SLC37A3: variants seen among roughly 807,000 people sequenced by gnomAD.
SLC37A3 encodes sugar phosphate exchanger 3.
In SLC37A3, 51 loss-of-function variants were observed where a neutral mutation model predicts 67.1. The observed-to-expected ratio is 0.76, with a 90% CI of 0.61 to 0.96. SLC37A3 has a LOEUF of 0.96. Among genes scored for constraint, SLC37A3 ranks in the 40% least tolerant of loss-of-function variants. SLC37A3 has a pLI of 0.00. For synonymous variants in SLC37A3, 214 were observed against 231.4 expected, an observed-to-expected ratio of 0.92 and a Z score of 0.68; for missense variants, 508 against 603.0, an observed-to-expected ratio of 0.84 and a Z score of 1.65.
chr7:140,342,083 G>T (rs914958551), intron 13 of SLC37A3, among the ~76,000 whole-genome samples: 1 of 152,144 alleles, frequency 6.6e-6, no homozygotes, highest in African/African-American at 2.4e-5. Flanking sequence ...AGGTACTAAG[G>T]TGACAGAAGA....
chr7:140,363,373 C>G (rs1048471556), intron 5 of SLC37A3, among the ~76,000 whole-genome samples: 9 of 82,666 alleles, frequency 1.1e-4, no homozygotes, highest in Non-Finnish European at 2.3e-4. Flanking sequence ...GCCTTGGGAT[C>G]CTGTTGATCT....
At chr7:140,343,833 A>C in intron 12 of SLC37A3, 1 of 376,280 alleles carries the variant, frequency 2.7e-6, no homozygotes, top group South Asian at 2.7e-5. Flanking sequence ...AATCCTGTGA[A>C]GTTTACATTC....
At chr7:140,335,590 C>A in intron 14 of SLC37A3, 86 bp from the exon 15 acceptor site, 1 of 1,447,438 alleles carries the variant, frequency 6.9e-7, no homozygotes, top group Non-Finnish European at 9.4e-7. Flanking sequence ...TGGATTTGGA[C>A]AATTACATTC....
rs377761607 is a variant in SLC37A3 at position 140,380,270 on chromosome 7, T to G, written c.198+12A>C. On this transcript the variant is annotated intron_variant, in intron 3 of 14. Transcript: ENST00000326232. ...CCTACTTCGATCCATCCCAGCACTC[T>G]GTTCTGCTTACCTCCACAGGCAGCT... 14 of 1,568,596 alleles carry G rather than the reference T, an allele frequency of 8.9e-6. No individual in the cohort carries two copies. The South Asian group carries it at 1.6e-4, about 17-fold the overall frequency.
chr7:140,360,775 T>A (rs1797235524), intron 5 of SLC37A3, among the ~76,000 whole-genome samples: 1 of 146,556 alleles, frequency 6.8e-6, no homozygotes, highest in Non-Finnish European at 1.5e-5. Context: ...GATCCTCCCC[T>A]ACACAGCACT....
chr7:140,353,584 T>G (rs915673277), intron 7 of SLC37A3, among the ~76,000 whole-genome samples: 1 of 152,202 alleles, frequency 6.6e-6, no homozygotes, highest in African/African-American at 2.4e-5. Context: ...TGTTCATTTT[T>G]ACTGCCCAGA....
chr7:140,351,248 G>A (rs750570040), intron 9 of SLC37A3, 25 bp downstream of exon 9: 16 of 1,600,122 alleles, frequency 1.0e-5, no homozygotes, highest in Non-Finnish European at 1.4e-5. Flanking sequence ...CTCCCTGGCT[G>A]TGGTAAGATG....
chr7:140,361,520 TC>T (rs1797283637), intron 5 of SLC37A3, among the ~76,000 whole-genome samples: 1 of 38,750 alleles, frequency 2.6e-5, no homozygotes, highest in Admixed American at 3.1e-4. Flanking sequence ...CCCCTCCCCC[TC>T]CCCCTCCCCC....
intron 6 of SLC37A3, among the ~76,000 whole-genome samples, chr7:140,358,423 T>A (rs1461080923): frequency 1.3e-5 from 2 of 151,558 alleles, no homozygotes; most frequent in African/African-American, 4.9e-5. Context: ...GCCCAAAGAG[T>A]GGTAGGAGTG....
chr7:140,360,105 C>T (rs1339633767), intron 5 of SLC37A3, among the ~76,000 whole-genome samples: 2 of 152,088 alleles, frequency 1.3e-5, no homozygotes, highest in African/African-American at 4.8e-5. Context: ...CCAGTGTTTG[C>T]GGAGGCAAAG....
chr7:140,393,151 A>C (rs1798787476), intron 1 of SLC37A3, among the ~76,000 whole-genome samples: 1 of 151,852 alleles, frequency 6.6e-6, no homozygotes, highest in African/African-American at 2.4e-5. Flanking sequence ...CTGATCTCCT[A>C]ACCAGTTTCT....
intron 1 of SLC37A3, among the ~76,000 whole-genome samples, chr7:140,396,031 T>C (rs911286255): frequency 6.6e-6 from 1 of 152,076 alleles, no homozygotes. Flanking sequence ...TTTTTTTTTT[T>C]CAGAGACAGG....
At chr7:140,374,673 C>T (rs998848491) in intron 3 of SLC37A3, among the ~76,000 whole-genome samples, 3 of 151,906 alleles carry the variant, frequency 2.0e-5, no homozygotes, top group Non-Finnish European at 2.9e-5. Flanking sequence ...AGACCCCCAC[C>T]ATCTCTACAA....
At chr7:140,361,664 T>A (rs1797301731) in intron 5 of SLC37A3, among the ~76,000 whole-genome samples, 16 of 148,032 alleles carry the variant, frequency 1.1e-4, no homozygotes, top group South Asian at 2.2e-4. Flanking sequence ...TTCTCCTGCC[T>A]CAGCCTGCCG....
At chr7:140,357,088 C>A (rs1311532383) in intron 6 of SLC37A3, among the ~76,000 whole-genome samples, 1 of 151,940 alleles carries the variant, frequency 6.6e-6, no homozygotes, top group African/African-American at 2.4e-5. Context: ...GTGGCGGGCC[C>A]CTGTAATCCC....
chr7:140,346,409 G>T (rs929880935), intron 10 of SLC37A3, among the ~76,000 whole-genome samples: 1 of 151,944 alleles, frequency 6.6e-6, no homozygotes, highest in Non-Finnish European at 1.5e-5. Context: ...TCCCTGAAAA[G>T]GGGTCCTCCA....
chr7:140,344,756 A>C (rs949477659), intron 12 of SLC37A3, among the ~76,000 whole-genome samples: 1 of 152,238 alleles, frequency 6.6e-6, no homozygotes, highest in Non-Finnish European at 1.5e-5. Flanking sequence ...ATTCTGTCTC[A>C]ATAAATAAAT....
At chr7:140,378,859 C>T (rs1433720470) in intron 3 of SLC37A3, among the ~76,000 whole-genome samples, 1 of 151,570 alleles carries the variant, frequency 6.6e-6, no homozygotes, top group Non-Finnish European at 1.5e-5. Flanking sequence ...CTAGCTTGGC[C>T]AACATGGCGA....
intron 5 of SLC37A3, 57 bp downstream of exon 5, chr7:140,364,351 T>TTA: frequency 4.1e-6 from 6 of 1,460,258 alleles, no homozygotes; most frequent in Non-Finnish European, 5.7e-6. Flanking sequence ...AGTAGGGAGA[T>TTA]TACTTAGATT....
Sources: gnomAD v4.1 joint callset for allele counts (sites outside exome capture counted in the v4.1 genomes callset) on GRCh38, gnomAD v4.1.1 for gene constraint, MANE v1.5 for transcripts, NCBI Gene and HGNC (gene_info 2026-07-23, HGNC 2026-07-21) for gene names.